The following MGAT4C variants were observed in gnomAD, a reference collection of about 807,000 sequenced individuals.
The protein encoded by MGAT4C is alpha-1,3-mannosyl-glycoprotein 4-beta-N-acetylglucosaminyltransferase C.
MGAT4C carries 19 observed loss-of-function variants against 40.1 expected under a neutral mutation model. The observed-to-expected ratio is 0.47, with a 90% confidence interval of 0.33 to 0.70. MGAT4C has a LOEUF of 0.70. Ranked by LOEUF, MGAT4C falls within the 30% of genes least tolerant of loss-of-function variation. MGAT4C has a pLI of 0.02. For synonymous variants in MGAT4C, 181 were observed against 187.1 expected (o/e 0.97, Z 0.27); for missense variants, 491 against 563.2 (o/e 0.87, Z 1.30).
intron 2 of MGAT4C, among the ~76,000 whole-genome samples, chr12:86,522,616 T>C (rs1297483479): frequency 6.6e-6 from 1 of 152,144 alleles, no homozygotes; most frequent in African/African-American, 2.4e-5. Context: ...TCTTATGGAA[T>C]GTGTTAAGGA....
chr12:86,611,456 TGATAGATAGATA>T lies in MGAT4C; in HGVS notation c.-229+115741_-229+115752del, dbSNP rs5799787. Among the ~76,000 whole-genome samples the T allele has an allele frequency of 5.6e-3, 804 of 143,660 alleles. 4 individuals are homozygous for T. Among genetic ancestry groups the T allele is most frequent in the Non-Finnish European group, 9.0e-3 (599 of 66,296 alleles). The allele number at this position is 143,660 out of a possible 152,430, so 94.2% of individuals were successfully genotyped here. On this transcript the variant is annotated intron_variant, in intron 2 of 7. Coordinates refer to the MGAT4C transcript ENST00000548651. ...GATGACAGATAGATAGATAGATAGA[TGATAGATAGATA>T]GATAGATAGATAGATAGATAGATAG...
Position 86,340,418 on chromosome 12 carries a change from A to G in MGAT4C, c.-119-6291T>C, listed in dbSNP as rs186826071. 3.4e-3 allele frequency among the ~76,000 whole-genome samples: 519 copies of G among 152,262 alleles called. 3 individuals are homozygous for G. Among genetic ancestry groups the G allele is most frequent in the Middle Eastern group, 0.01 (3 of 292 alleles). ...TTGAAAGCCTATATTCAACAAAAAG[A>G]ATGATTTAAAATAACCAAAGCAGCC... On this transcript the variant is annotated intron_variant, in intron 3 of 7. Transcript: ENST00000548651.
At chr12:86,226,829 T>G (rs1168783629) in intron 1 of MGAT4C, among the ~76,000 whole-genome samples, 1 of 151,982 alleles carries the variant, frequency 6.6e-6, no homozygotes, top group Non-Finnish European at 1.5e-5. Flanking sequence ...AATGTCCATA[T>G]CAGAATATAG....
chr12:86,406,263 A>C (rs1956471652), intron 3 of MGAT4C, among the ~76,000 whole-genome samples: 1 of 151,418 alleles, frequency 6.6e-6, no homozygotes, highest in Admixed American at 6.6e-5. Flanking sequence ...CTGCCAAATT[A>C]AAACCTTTTG....
chr12:86,087,459 T>C (rs1592901122), intron 1 of MGAT4C, among the ~76,000 whole-genome samples: 1 of 152,196 alleles, frequency 6.6e-6, no homozygotes, highest in East Asian at 1.9e-4. Context: ...TAATGATAAA[T>C]TGGTCTCTTC....
chr12:86,114,299 G>A (rs1404725493), intron 1 of MGAT4C, among the ~76,000 whole-genome samples: 1 of 151,866 alleles, frequency 6.6e-6, no homozygotes, highest in Non-Finnish European at 1.5e-5. Flanking sequence ...TACCTCACAA[G>A]TCAATAGGTA....
chr12:86,186,259 G>A (rs1421481544), intron 1 of MGAT4C, among the ~76,000 whole-genome samples: 1 of 152,046 alleles, frequency 6.6e-6, no homozygotes, highest in East Asian at 1.9e-4. Context: ...ACAAATGCAG[G>A]TATTATAAAC....
intron 2 of MGAT4C, among the ~76,000 whole-genome samples, chr12:86,515,595 C>G (rs1200828632): frequency 6.6e-6 from 1 of 151,920 alleles, no homozygotes; most frequent in Non-Finnish European, 1.5e-5. Flanking sequence ...TTAGAAATAA[C>G]TACGCAAAAC....
intron 2 of MGAT4C, among the ~76,000 whole-genome samples, chr12:86,447,457 T>C (rs1360046686): frequency 6.6e-6 from 1 of 152,168 alleles, no homozygotes; most frequent in East Asian, 1.9e-4. Context: ...TGGAAACAAC[T>C]TGGCTATCCA....
intron 4 of MGAT4C, among the ~76,000 whole-genome samples, chr12:86,269,823 C>G (rs1440979431): frequency 6.6e-6 from 1 of 151,836 alleles, no homozygotes; most frequent in Non-Finnish European, 1.5e-5. Context: ...TTGATGGTAC[C>G]CTGGTTCCCA....
intron 1 of MGAT4C, among the ~76,000 whole-genome samples, chr12:86,060,226 C>T (rs1429646633): frequency 6.6e-6 from 1 of 152,114 alleles, no homozygotes; most frequent in Admixed American, 6.5e-5. Flanking sequence ...ATTGTCACTT[C>T]ATTGAAAGGA....
chr12:86,676,243 A>C (rs1964396315), intron 2 of MGAT4C, among the ~76,000 whole-genome samples: 1 of 152,116 alleles, frequency 6.6e-6, no homozygotes, highest in Non-Finnish European at 1.5e-5. Flanking sequence ...AGATGTAACA[A>C]TGTAGGATAT....
intron 1 of MGAT4C, among the ~76,000 whole-genome samples, chr12:86,191,131 ACACC>A (rs1178825698): frequency 1.7e-5 from 2 of 114,992 alleles, no homozygotes; most frequent in Admixed American, 8.2e-5. Flanking sequence ...ACACACACAC[ACACC>A]CCTATAGGGT....
chr12:86,664,257 C>T (rs920530666), intron 2 of MGAT4C, among the ~76,000 whole-genome samples: 1 of 151,828 alleles, frequency 6.6e-6, no homozygotes, highest in Non-Finnish European at 1.5e-5. Flanking sequence ...TTCTCTCTCA[C>T]TCTGTCCTCC....
intron 3 of MGAT4C, among the ~76,000 whole-genome samples, chr12:86,376,275 C>T (rs912713859): frequency 6.7e-6 from 1 of 150,206 alleles, no homozygotes. Context: ...GTAGTACCAG[C>T]AGCTACCCAG....
chr12:86,105,405 G>T (rs1354344309), intron 1 of MGAT4C, among the ~76,000 whole-genome samples: 1 of 152,062 alleles, frequency 6.6e-6, no homozygotes, highest in African/African-American at 2.4e-5. Context: ...TTACATGTAT[G>T]ATTTTCTAAT....
intron 4 of MGAT4C, among the ~76,000 whole-genome samples, chr12:86,296,434 T>A (rs1037457881): frequency 1.4e-5 from 2 of 140,746 alleles, no homozygotes; most frequent in Non-Finnish European, 3.2e-5. Context: ...TCGATGGGAC[T>A]GGGCGCCGTG....
intron 4 of MGAT4C, among the ~76,000 whole-genome samples, chr12:86,264,888 T>A (rs890901503): frequency 2.6e-5 from 4 of 152,136 alleles, no homozygotes; most frequent in Non-Finnish European, 4.4e-5. Context: ...TGCTGACACA[T>A]CAGGCCCCTG....
At chr12:85,980,910 G>T (rs1474609662) in intron 4 of MGAT4C, among the ~76,000 whole-genome samples, 1 of 152,044 alleles carries the variant, frequency 6.6e-6, no homozygotes, top group South Asian at 2.1e-4. Flanking sequence ...AAAAATAAGG[G>T]TAAGTAAGTC....
Sources: allele counts gnomAD v4.1 joint callset (sites outside exome capture counted in the v4.1 genomes callset), GRCh38; gene constraint gnomAD v4.1.1; transcripts MANE v1.5; gene names NCBI Gene and HGNC (gene_info 2026-07-23, HGNC 2026-07-21).